TACR1: variants seen among roughly 807,000 people sequenced by gnomAD.
TACR1 encodes the protein tachykinin receptor 1.
TACR1 carries 25 observed loss-of-function variants against 35.8 expected under a neutral mutation model. The ratio of observed to expected loss-of-function variants is 0.70; its 90% confidence interval spans 0.51 to 0.98. The LOEUF is 0.98. Among genes scored for constraint, TACR1 ranks in the 50% least tolerant of loss-of-function variants. The probability of loss-of-function intolerance (pLI) is 0.00; values close to 1 mark genes in which losing one functional copy is unlikely to be tolerated. For synonymous variants in TACR1, 195 were observed against 206.7 expected, an observed-to-expected ratio of 0.94 and a Z score of 0.48; for missense variants, 478 against 522.9, an observed-to-expected ratio of 0.91 and a Z score of 0.84.
chr2:75,132,249 A>G (rs1308098753), intron 1 of TACR1, among the ~76,000 whole-genome samples: 1 of 152,158 alleles, frequency 6.6e-6, no homozygotes, highest in Non-Finnish European at 1.5e-5. Flanking sequence ...AAATGAAACA[A>G]CCTGTCAACT....
intron 2 of TACR1, among the ~76,000 whole-genome samples, chr2:75,098,178 A>T (rs931329442): frequency 6.6e-6 from 1 of 152,202 alleles, no homozygotes; most frequent in Non-Finnish European, 1.5e-5. Flanking sequence ...AGACTTAATA[A>T]TTTGATATAT....
intron 2 of TACR1, among the ~76,000 whole-genome samples, chr2:75,089,510 T>C (rs1673261961): frequency 6.6e-6 from 1 of 152,228 alleles, no homozygotes; most frequent in Admixed American, 6.5e-5. Flanking sequence ...TCATCACTCT[T>C]GCTTGAAAGT....
At position 75,115,168 on chromosome 2, in the gene TACR1, A is replaced by T. The variant is rs112590569; in HGVS notation, c.584+5406T>A. ...AATTTTAATAACATAGAAATTGTCT[A>T]TATGGTAAATGAAATAAGCAGATTA... On this transcript the variant is annotated intron_variant, in intron 2 of 4. Coordinates refer to ENST00000305249, the MANE Select transcript of TACR1 (RefSeq NM_001058.4). 1.6e-4 allele frequency among the ~76,000 whole-genome samples: 24 copies of T among 149,980 alleles called. 1 individual carries two copies. Among genetic ancestry groups the T allele is most frequent in the African/African-American group, 5.7e-4 (23 of 40,510 alleles).
intron 2 of TACR1, among the ~76,000 whole-genome samples, chr2:75,055,301 T>C (rs988800311): frequency 6.6e-6 from 1 of 152,248 alleles, no homozygotes; most frequent in Non-Finnish European, 1.5e-5. Flanking sequence ...CAAAGACTGC[T>C]TAAGTGACAA....
chr2:75,124,840 G>A (rs962559352), intron 1 of TACR1, among the ~76,000 whole-genome samples: 1 of 152,238 alleles, frequency 6.6e-6, no homozygotes, highest in African/African-American at 2.4e-5. Context: ...CATAGGAGAA[G>A]ATGGTGTGAT....
chr2:75,052,183 T>C (rs1672482557), intron 3 of TACR1, among the ~76,000 whole-genome samples: 2 of 152,148 alleles, frequency 1.3e-5, no homozygotes, highest in African/African-American at 2.4e-5. Context: ...GGGAACTAAT[T>C]AGGTCTTCAG....
At chr2:75,154,135 C>T (rs1204821479) in intron 1 of TACR1, among the ~76,000 whole-genome samples, 1 of 152,144 alleles carries the variant, frequency 6.6e-6, no homozygotes, top group Non-Finnish European at 1.5e-5. Context: ...AATGCTTGGC[C>T]TACAGGAAGC....
chr2:75,148,893 T>G (rs1404606997), intron 1 of TACR1, among the ~76,000 whole-genome samples: 2 of 152,236 alleles, frequency 1.3e-5, no homozygotes, highest in African/African-American at 2.4e-5. Context: ...TGAGTTATTT[T>G]TTGTATAAGG....
chr2:75,125,514 T>C (rs1435230883), intron 1 of TACR1, among the ~76,000 whole-genome samples: 1 of 152,128 alleles, frequency 6.6e-6, no homozygotes, highest in Non-Finnish European at 1.5e-5. Context: ...ATCCTTCTTT[T>C]CTCTTTTCAC....
rs372202377 is a variant in TACR1 at position 75,084,569 on chromosome 2, G to C, written c.585-30814C>G. ...GTCCGTCTGGTCCTGGACTTTTTTTGGTTGGTAAGCTATTAATTATTGCCT... is the reference window on the plus strand; with the variant it reads ...GTCCGTCTGGTCCTGGACTTTTTTTCGTTGGTAAGCTATTAATTATTGCCT... On this transcript the variant is annotated intron_variant, in intron 2 of 4. Transcript: ENST00000305249. Among the ~76,000 whole-genome samples the C allele has an allele frequency of 5.3e-5, 8 of 152,176 alleles. No individual in the cohort carries two copies. The South Asian group carries it at 1.7e-3, about 32-fold the overall frequency.
chr2:75,079,191 G>C (rs1458702832), intron 2 of TACR1, among the ~76,000 whole-genome samples: 1 of 152,100 alleles, frequency 6.6e-6, no homozygotes, highest in East Asian at 1.9e-4. Flanking sequence ...GCAACCCAAA[G>C]TAAGTCCCAT....
At chr2:75,084,278 C>A (rs1353809596) in intron 2 of TACR1, among the ~76,000 whole-genome samples, 3 of 152,130 alleles carry the variant, frequency 2.0e-5, no homozygotes, top group Non-Finnish European at 1.5e-5. Context: ...GGATGAAGCC[C>A]ACTTGATCGT....
intron 2 of TACR1, among the ~76,000 whole-genome samples, chr2:75,096,389 A>G (rs919875927): frequency 2.6e-5 from 4 of 152,234 alleles, no homozygotes; most frequent in Non-Finnish European, 5.9e-5. Context: ...CCCTGGTAGC[A>G]TGAAAGGGTG....
intron 4 of TACR1, among the ~76,000 whole-genome samples, chr2:75,050,338 T>C (rs1296719659): frequency 1.3e-5 from 2 of 152,184 alleles, no homozygotes; most frequent in African/African-American, 2.4e-5. Context: ...TTTGGACAAG[T>C]TGAAGAGAAT....
At chr2:75,157,321 A>G (rs918464539) in intron 1 of TACR1, among the ~76,000 whole-genome samples, 1 of 152,142 alleles carries the variant, frequency 6.6e-6, no homozygotes, top group Admixed American at 6.5e-5. Context: ...TCACCCACCT[A>G]TGGAAGCAAG....
At chr2:75,136,559 G>C (rs1216260780) in intron 1 of TACR1, among the ~76,000 whole-genome samples, 1 of 152,082 alleles carries the variant, frequency 6.6e-6, no homozygotes, top group Non-Finnish European at 1.5e-5. Context: ...GTGGAACTGG[G>C]CTGCCTTCCC....
Position 75,198,705 on chromosome 2 carries a change from G to C in TACR1, c.230C>G (p.Ala77Gly). 1.2e-6 allele frequency: 2 copies of C among 1,614,188 alleles called. No individual in the cohort carries two copies. The highest frequency in any genetic ancestry group is 4.5e-5 in the East Asian group (2 of 44,888). The change falls in exon 1 of 5, where the codon GCG becomes GGG. Residue 77 changes from alanine (A) to glycine (G), a missense_variant. Ala to Gly is a moderately conservative substitution (Grantham distance 60). Coordinates refer to ENST00000305249, the MANE Select transcript of TACR1 (RefSeq NM_001058.4). ...ATTGAATGCAGCCATGGAGGCCTCC[G>C]CGAAGGCCAGGTTCACCAGAAAATA... ...TNYFLVNLAF[A>G]EASMAAFNTV...
At chr2:75,096,380 C>T (rs1673424981) in intron 2 of TACR1, among the ~76,000 whole-genome samples, 1 of 152,126 alleles carries the variant, frequency 6.6e-6, no homozygotes, top group South Asian at 2.1e-4. Context: ...TTGAAAATGC[C>T]CTGGTAGCAT....
intron 1 of TACR1, among the ~76,000 whole-genome samples, chr2:75,161,165 C>CAAACA (rs937632162): frequency 6.6e-6 from 1 of 151,906 alleles, no homozygotes; most frequent in African/African-American, 2.4e-5. Flanking sequence ...CCCCCCAAAA[C>CAAACA]AAACAAAAAC....
Sources: allele counts gnomAD v4.1 joint callset (sites outside exome capture counted in the v4.1 genomes callset), GRCh38; gene constraint gnomAD v4.1.1; transcripts MANE v1.5; gene names NCBI Gene and HGNC (gene_info 2026-07-23, HGNC 2026-07-21).